Variants in CHMP2B observed in about 807,000 individuals in gnomAD.
CHMP2B encodes the protein VPS2 homolog B.
Under a neutral mutation model 29.8 loss-of-function variants are expected in CHMP2B, and 22 were observed. The observed-to-expected ratio is 0.74, with a 90% CI of 0.53 to 1.05. The LOEUF is 1.05. Among genes scored for constraint, CHMP2B ranks in the 50% least tolerant of loss-of-function variants. The pLI is 0.00. For missense variants in CHMP2B, 261 were observed against 252.2 expected (o/e 1.03, Z -0.24); for synonymous variants, 78 against 75.8 (o/e 1.03, Z -0.15).
intron 4 of CHMP2B, among the ~76,000 whole-genome samples, chr3:87,251,254 T>C (rs1254904918): frequency 6.6e-6 from 1 of 151,968 alleles, no homozygotes; most frequent in African/African-American, 2.4e-5. Flanking sequence ...TAGTTTTTAC[T>C]TCAGGCCTTT....
At chr3:87,229,738 A>G (rs916600158) in intron 1 of CHMP2B, among the ~76,000 whole-genome samples, 3 of 152,048 alleles carry the variant, frequency 2.0e-5, no homozygotes, top group African/African-American at 7.2e-5. Flanking sequence ...TGAAATTCTG[A>G]TATATAAGGG....
At chr3:87,250,164 A>G (rs1706288977) in intron 4 of CHMP2B, among the ~76,000 whole-genome samples, 187 bp downstream of exon 4, 1 of 151,956 alleles carries the variant, frequency 6.6e-6, no homozygotes, top group African/African-American at 2.4e-5. Flanking sequence ...ACTGTTACAC[A>G]TTGGCTTCAG....
At chr3:87,246,362 C>G (rs56064230) in intron 3 of CHMP2B, among the ~76,000 whole-genome samples, 36,907 of 151,990 alleles carry the variant, frequency 0.24, 5,360 homozygotes, top group South Asian at 0.36. Flanking sequence ...GTCTTAAACT[C>G]CTGATCTCAG....
Position 87,229,377 on chromosome 3 carries a change from A to G in CHMP2B, c.34+1821A>G, listed in dbSNP as rs140203605. On this transcript the variant is annotated intron_variant, in intron 1 of 5. Coordinates refer to ENST00000263780, the MANE Select transcript of CHMP2B (RefSeq NM_014043.4). ...GGAACTATGCCACTAAATTAACCAT[A>G]TGTGCAATTTCCAAATGTAAATTTG... is the stretch of plus-strand genomic sequence containing the variant. Among the ~76,000 whole-genome samples the G allele has an allele frequency of 2.4e-4, 37 of 152,336 alleles. 1 individual carries two copies. The East Asian group carries it at 6.2e-3, about 25-fold the overall frequency.
At position 87,240,797 on chromosome 3, in the gene CHMP2B, A is replaced by AACAGCT; in HGVS notation, c.126+7_126+8insACAGCT. On this transcript the variant is annotated splice_region_variant and intron_variant, in intron 2 of 5. Transcript: ENST00000263780. ...GAAACAAGAAAAACAGCTGGTAAGT[A>AACAGCT]GAACGTTAAATTTCAGTTTAACTTT... The AACAGCT allele has an allele frequency of 1.9e-6, 3 of 1,604,276 alleles. No individual in the cohort carries two copies. The highest frequency in any genetic ancestry group is 2.6e-6 in the Non-Finnish European group (3 of 1,171,176).
chr3:87,245,904 C>CA lies in CHMP2B; in HGVS notation c.321dup (p.Thr108AsnfsTer6). ...ATGGCTGGAGCAATGTCTACTACAG[C>CA]AAAAGTAAGTGAGAGCTTTTATATT... On this transcript the variant is annotated frameshift_variant, in exon 3 of 6. Transcript: ENST00000263780. LOFTEE classifies it high-confidence loss of function. 1 of 1,605,466 alleles carries CA rather than the reference C, an allele frequency of 6.2e-7. No homozygotes were observed. Among genetic ancestry groups the CA allele is most frequent in the East Asian group, 2.2e-5 (1 of 44,762 alleles).
chr3:87,236,240 T>G (rs1370230979), intron 1 of CHMP2B, among the ~76,000 whole-genome samples: 1 of 152,146 alleles, frequency 6.6e-6, no homozygotes, highest in Admixed American at 6.5e-5. Context: ...AACCTCATCC[T>G]GAGGCTATCA....
intron 1 of CHMP2B, among the ~76,000 whole-genome samples, chr3:87,235,756 C>A (rs373535793): frequency 6.6e-6 from 1 of 152,280 alleles, no homozygotes. Flanking sequence ...TCACTTCTGA[C>A]GGTAATTATC....
chr3:87,253,177 G>T, intron 4 of CHMP2B: 1 of 439,714 alleles, frequency 2.3e-6, no homozygotes, highest in Non-Finnish European at 4.2e-6. Context: ...GAGTAGACTT[G>T]TTTGCTATAA....
At chr3:87,239,944 CTGG>C (rs1266765562) in intron 1 of CHMP2B, among the ~76,000 whole-genome samples, 1 of 152,094 alleles carries the variant, frequency 6.6e-6, no homozygotes, top group Non-Finnish European at 1.5e-5. Context: ...ATTGGAAAGT[CTGG>C]TGTTTCAGTC....
intron 1 of CHMP2B, among the ~76,000 whole-genome samples, chr3:87,236,031 T>C (rs1007145086): frequency 2.0e-5 from 3 of 152,158 alleles, no homozygotes; most frequent in Admixed American, 2.0e-4. Flanking sequence ...GGGTCGAAGG[T>C]GGAGGACAGA....
At chr3:87,231,867 A>G (rs1297863736) in intron 1 of CHMP2B, among the ~76,000 whole-genome samples, 2 of 151,904 alleles carry the variant, frequency 1.3e-5, no homozygotes, top group Non-Finnish European at 2.9e-5. Flanking sequence ...CTTTTGTGGC[A>G]TTTCTTTCTG....
At chr3:87,249,470 C>G (rs1054156882) in intron 3 of CHMP2B, among the ~76,000 whole-genome samples, 1 of 151,780 alleles carries the variant, frequency 6.6e-6, no homozygotes, top group Admixed American at 6.6e-5. Context: ...AGTATATCTT[C>G]TAATCTTTTT....
intron 1 of CHMP2B, among the ~76,000 whole-genome samples, chr3:87,238,025 G>A (rs1706045142): frequency 6.6e-6 from 1 of 152,170 alleles, no homozygotes; most frequent in Admixed American, 6.5e-5. Flanking sequence ...ATAGGCAAAG[G>A]AGATACGATA....
At chr3:87,229,123 C>T (rs946983246) in intron 1 of CHMP2B, among the ~76,000 whole-genome samples, 3 of 151,860 alleles carry the variant, frequency 2.0e-5, no homozygotes, top group Non-Finnish European at 2.9e-5. Context: ...TAGTTTTAAT[C>T]GCCTAATACC....
chr3:87,242,479 T>C (rs1706136179), intron 2 of CHMP2B, among the ~76,000 whole-genome samples: 1 of 152,122 alleles, frequency 6.6e-6, no homozygotes, highest in African/African-American at 2.4e-5. Flanking sequence ...TCTCATCCTT[T>C]TTTCTGTGAT....
chr3:87,233,441 A>T (rs1705942126), intron 1 of CHMP2B, among the ~76,000 whole-genome samples: 1 of 151,872 alleles, frequency 6.6e-6, no homozygotes, highest in South Asian at 2.1e-4. Flanking sequence ...AGTTTGTCAT[A>T]TTTTTGCAGT....
At chr3:87,231,440 G>A (rs1705908329) in intron 1 of CHMP2B, among the ~76,000 whole-genome samples, 2 of 152,058 alleles carry the variant, frequency 1.3e-5, no homozygotes, top group African/African-American at 2.4e-5. Context: ...TGCACTTTAC[G>A]ATACCACCTT....
At position 87,254,056 on chromosome 3, in the gene CHMP2B, G is replaced by A. The variant is rs1706360864; in HGVS notation, c.*234G>A. 1 of 408,202 alleles carries A rather than the reference G, an allele frequency of 2.4e-6. No homozygotes were observed. The highest frequency in any genetic ancestry group is 4.5e-6 in the Non-Finnish European group (1 of 220,644). The allele number at this position is 408,202 out of a possible 1,614,324, so 25.3% of individuals were successfully genotyped here. On this transcript the variant is annotated 3_prime_UTR_variant, in exon 6 of 6. Coordinates refer to ENST00000263780, the MANE Select transcript of CHMP2B (RefSeq NM_014043.4). The stretch of plus-strand genomic sequence containing the variant: ...TAGAACTGTTTAGGAGTGATGATGT[G>A]TAAAAAGTTGACTTCTCTTTTGCAT...
Sources: gnomAD v4.1 joint callset for allele counts (sites outside exome capture counted in the v4.1 genomes callset) on GRCh38, gnomAD v4.1.1 for gene constraint, MANE v1.5 for transcripts, NCBI Gene and HGNC (gene_info 2026-07-23, HGNC 2026-07-21) for gene names.